The following TRA2A variants were observed in gnomAD, a reference collection of about 807,000 sequenced individuals.
TRA2A encodes transformer-2 protein homolog alpha.
A neutral mutation model predicts 45.7 loss-of-function variants in TRA2A; 31 were observed. The ratio of observed to expected loss-of-function variants is 0.68; its 90% CI spans 0.51 to 0.92. TRA2A has a LOEUF of 0.92. Among genes scored for constraint, TRA2A ranks in the 40% least tolerant of loss-of-function variants. The pLI, the probability that TRA2A is intolerant of heterozygous loss-of-function variation, is 0.00. For synonymous variants in TRA2A, 132 were observed against 126.2 expected, an observed-to-expected ratio of 1.05 and a Z score of -0.31; for missense variants, 304 against 367.5, an observed-to-expected ratio of 0.83 and a Z score of 1.41.
In TRA2A at chr7:23,505,063, T is replaced by G. The variant is rs1013793319; in HGVS notation, c.*496A>C. On this transcript the variant is annotated 3_prime_UTR_variant, in exon 8 of 8. Coordinates refer to ENST00000297071, the MANE Select transcript of TRA2A (RefSeq NM_013293.5). Reference sequence around the variant, plus strand: ...TTTACAGGAGTTCACAAGCTTTTCATCTCTAAAAAAAAACTTTCAACTACC... The same window carrying G: ...TTTACAGGAGTTCACAAGCTTTTCAGCTCTAAAAAAAAACTTTCAACTACC... 1 of 152,538 alleles carries G rather than the reference T, an allele frequency of 6.6e-6. No individual in the cohort carries two copies. Among genetic ancestry groups the G allele is most frequent in the African/African-American group, 2.4e-5 (1 of 41,342 alleles). The allele number at this position is 152,538 out of a possible 1,614,324, so 9.4% of individuals were successfully genotyped here.
rs191005461 is a variant in TRA2A, at chr7:23,523,002, A to T, written c.37-1162T>A. 2.3e-3 allele frequency among the ~76,000 whole-genome samples: 352 copies of T among 152,314 alleles called. 1 individual carries two copies. The highest frequency in any genetic ancestry group is 8.2e-3 in the African/African-American group (340 of 41,582). On this transcript the variant is annotated intron_variant, in intron 1 of 7. Coordinates refer to ENST00000297071, the MANE Select transcript of TRA2A (RefSeq NM_013293.5). ...ATCTTTGCTCATTCTGACTTAAAAT[A>T]TGTTCTGAAGACAAACATACCGAAA...
Position 23,516,304 on chromosome 7 carries a change from C to A in TRA2A, c.336+59G>T, listed in dbSNP as rs201891678. 4.7e-3 allele frequency: 7,419 copies of A among 1,576,210 alleles called. 24 individuals carry two copies. Among genetic ancestry groups the A allele is most frequent in the Non-Finnish European group, 5.8e-3 (6,681 of 1,152,380 alleles). ...CAAGCTCCCCTAAAAGCAAGATATG[C>A]CATGACTAAACACATAAAAGAGAAA... On this transcript the variant is annotated intron_variant, in intron 3 of 7. Transcript: ENST00000297071.
rs1790585278 is a variant in TRA2A at position 23,531,555 on chromosome 7, G to A, written c.36+234C>T. 1.4e-5 allele frequency: 8 copies of A among 589,690 alleles called. 1 individual carries two copies. The Middle Eastern group carries it at 2.3e-3, about 169-fold the overall frequency. The allele number at this position is 589,690 out of a possible 1,614,324, so 36.5% of individuals were successfully genotyped here. A position where few individuals can be genotyped will look rare whatever the true frequency, so the allele number is the denominator to read the frequency against. On this transcript the variant is annotated intron_variant, in intron 1 of 7. Transcript: ENST00000297071. ...CAATGCGGGGGCGGGGAGGGAAGAG[G>A]ACCCAGAAGTCCAGGTATCAGTCAG...
At chr7:23,530,303 A>G (rs1036414946) in intron 1 of TRA2A, among the ~76,000 whole-genome samples, 9 of 152,248 alleles carry the variant, frequency 5.9e-5, no homozygotes, top group African/African-American at 1.7e-4. Context: ...AAAAATTCCA[A>G]TCAAAAGAAT....
In TRA2A at chr7:23,512,887, A is replaced by G. The variant is rs1291302855; in HGVS notation, c.525+7T>C. The G allele has an allele frequency of 3.1e-6, 5 of 1,600,106 alleles. No homozygotes were observed. Among genetic ancestry groups the G allele is most frequent in the Admixed American group, 1.7e-5 (1 of 58,678 alleles). ...ACTATAATCAGGCATATAAAAGACA[A>G]ATTTACCTCCTTTGAGTCATCTATT... is the stretch of plus-strand genomic sequence containing the variant. On this transcript the variant is annotated splice_region_variant and intron_variant, in intron 4 of 7. Transcript: ENST00000297071.
intron 5 of TRA2A, among the ~76,000 whole-genome samples, chr7:23,506,739 C>T (rs1282961317): frequency 6.6e-6 from 1 of 152,100 alleles, no homozygotes; most frequent in African/African-American, 2.4e-5. Context: ...CTTTTATTCC[C>T]AAGAAATACC....
intron 3 of TRA2A, among the ~76,000 whole-genome samples, chr7:23,513,891 G>A (rs1789740370): frequency 6.6e-6 from 1 of 152,116 alleles, no homozygotes; most frequent in African/African-American, 2.4e-5. Flanking sequence ...ACAAAGGAAG[G>A]AGGAAGTAAT....
At chr7:23,511,195 C>A (rs1355104018) in intron 4 of TRA2A, among the ~76,000 whole-genome samples, 7 of 151,490 alleles carry the variant, frequency 4.6e-5, no homozygotes, top group African/African-American at 1.5e-4. Flanking sequence ...CACAGTGAAA[C>A]CCTGCCTCTA....
At chr7:23,515,995 T>G (rs1261863344) in intron 3 of TRA2A, among the ~76,000 whole-genome samples, 1 of 151,800 alleles carries the variant, frequency 6.6e-6, no homozygotes, top group Non-Finnish European at 1.5e-5. Flanking sequence ...GTCAACATGG[T>G]GAAACCCCAT....
intron 3 of TRA2A, 29 bp downstream of exon 3, chr7:23,516,334 G>A: frequency 1.2e-6 from 2 of 1,611,274 alleles, no homozygotes; most frequent in Admixed American, 1.7e-5. Context: ...GAGAAAATAA[G>A]TCTTCATTAA....
In TRA2A at chr7:23,505,572, A is replaced by AGG; in HGVS notation, c.839-4_839-3insCC. The stretch of plus-strand genomic sequence containing the variant: ...ACCATTCCGTTATCAATAGCGTCCT[A>AGG]AAAGAGAAAAAGCAAAAAAAAAAAA... On this transcript the variant is annotated splice_polypyrimidine_tract_variant and splice_region_variant and intron_variant, in intron 7 of 7. Coordinates refer to ENST00000297071, the MANE Select transcript of TRA2A (RefSeq NM_013293.5). 1 of 529,892 alleles carries AGG rather than the reference A, an allele frequency of 1.9e-6. No homozygotes were observed. The highest frequency in any genetic ancestry group is 3.4e-6 in the Non-Finnish European group (1 of 293,286). The allele number at this position is 529,892 out of a possible 1,614,324, so 32.8% of individuals were successfully genotyped here. A position where few individuals can be genotyped will look rare whatever the true frequency, so the allele number is the denominator to read the frequency against.
intron 1 of TRA2A, among the ~76,000 whole-genome samples, chr7:23,527,865 C>T (rs1017726359): frequency 6.6e-6 from 1 of 152,044 alleles, no homozygotes; most frequent in Non-Finnish European, 1.5e-5. Flanking sequence ...AGATCAACAT[C>T]CTTCAGTGAA....
At chr7:23,529,970 C>T (rs948015532) in intron 1 of TRA2A, among the ~76,000 whole-genome samples, 19 of 151,012 alleles carry the variant, frequency 1.3e-4, no homozygotes, top group Non-Finnish European at 2.7e-4. Context: ...TACTCCTTTC[C>T]TAGACTTGAT....
intron 4 of TRA2A, among the ~76,000 whole-genome samples, chr7:23,508,793 C>T (rs1003872835): frequency 6.6e-6 from 1 of 152,096 alleles, no homozygotes; most frequent in Admixed American, 6.6e-5. Context: ...CACGCCTGGC[C>T]TGCATGCATT....
rs1339716039 is a variant in TRA2A at position 23,531,941 on chromosome 7, GCTCCA to G, written c.-122_-118del. On this transcript the variant is annotated 5_prime_UTR_variant, in exon 1 of 8. Coordinates refer to ENST00000297071, the MANE Select transcript of TRA2A (RefSeq NM_013293.5). Reference sequence around the variant, plus strand: ...GAGGAAAGAGTCGGCAACCACAGCCGCTCCACTCCACTCCCACTCGGTCGCAGGCT... The same window carrying G: ...GAGGAAAGAGTCGGCAACCACAGCCGCTCCACTCCCACTCGGTCGCAGGCT... The G allele has an allele frequency of 1.8e-6, 2 of 1,121,482 alleles. No individual in the cohort carries two copies. The highest frequency in any genetic ancestry group is 2.6e-6 in the Non-Finnish European group (2 of 763,052). 69.5% of individuals were successfully genotyped at this position (1,121,482 alleles called of 1,614,324 possible).
At chr7:23,507,673 C>G in intron 4 of TRA2A, 138 bp from the exon 5 acceptor site, 1 of 647,178 alleles carries the variant, frequency 1.5e-6, no homozygotes, top group Non-Finnish European at 2.8e-6. Context: ...TTGTACAGGG[C>G]ATTGTATAGA....
chr7:23,506,350 G>T, intron 5 of TRA2A, 84 bp from the exon 6 acceptor site: 1 of 1,372,494 alleles, frequency 7.3e-7, no homozygotes. Flanking sequence ...GCTTAAAAAA[G>T]AGAAAAGTGA....
chr7:23,506,340 G>A, intron 5 of TRA2A, 74 bp from the exon 6 acceptor site: 4 of 1,393,082 alleles, frequency 2.9e-6, no homozygotes, highest in Non-Finnish European at 3.8e-6. Context: ...AAATTGAATG[G>A]CTTAAAAAAG....
At chr7:23,520,726 T>C (rs796632424) in intron 2 of TRA2A, among the ~76,000 whole-genome samples, 9 of 150,078 alleles carry the variant, frequency 6.0e-5, no homozygotes, top group African/African-American at 2.2e-4. Context: ...AGAGTCTCTC[T>C]GTCACCCAGG....
Sources: gnomAD v4.1 joint callset for allele counts (sites outside exome capture counted in the v4.1 genomes callset) on GRCh38, gnomAD v4.1.1 for gene constraint, MANE v1.5 for transcripts, NCBI Gene and HGNC (gene_info 2026-07-23, HGNC 2026-07-21) for gene names.